REV3L: variants seen among roughly 807,000 people sequenced by gnomAD.
The protein encoded by REV3L is REV3 like, DNA directed polymerase zeta catalytic subunit, also known as DNA polymerase zeta catalytic subunit.
Under a neutral mutation model 299.4 loss-of-function variants are expected in REV3L, and 69 were observed. That is an observed-to-expected ratio of 0.23 (90% CI 0.19 to 0.28). REV3L has a LOEUF of 0.28. REV3L is among the 10% of genes least tolerant of loss of function. REV3L has a pLI of 1.00. For synonymous variants in REV3L, 1,238 were observed against 1,271.4 expected, an observed-to-expected ratio of 0.97 and a Z score of 0.56; for missense variants, 3,128 against 3,693.8, an observed-to-expected ratio of 0.85 and a Z score of 3.97.
At chr6:111,306,033 G>A (rs184259046) in intron 31 of REV3L, among the ~76,000 whole-genome samples, 1 of 152,330 alleles carries the variant, frequency 6.6e-6, no homozygotes, top group Non-Finnish European at 1.5e-5. Context: ...AATATTTACA[G>A]ACCAGCCCCA....
At chr6:111,406,489 G>A (rs563532717) in intron 3 of REV3L, among the ~76,000 whole-genome samples, 9 of 152,204 alleles carry the variant, frequency 5.9e-5, no homozygotes, top group Non-Finnish European at 1.3e-4. Context: ...CTACAGGTAA[G>A]GAGTAAATAG....
intron 1 of REV3L, among the ~76,000 whole-genome samples, chr6:111,421,317 CA>C (rs1785320789): frequency 6.6e-6 from 1 of 152,102 alleles, no homozygotes. Flanking sequence ...TCGATAAACA[CA>C]AAGACTAAAT....
intron 4 of REV3L, among the ~76,000 whole-genome samples, chr6:111,396,800 GA>G (rs2128262626): frequency 6.6e-6 from 1 of 152,182 alleles, no homozygotes; most frequent in South Asian, 2.1e-4. Flanking sequence ...AAAATGCTAG[GA>G]TTGCAGGTGT....
intron 25 of REV3L, among the ~76,000 whole-genome samples, chr6:111,324,319 T>C (rs1400815800): frequency 1.3e-5 from 2 of 152,206 alleles, no homozygotes; most frequent in African/African-American, 4.8e-5. Flanking sequence ...ATTAAGATTA[T>C]GAATTCTGCT....
chr6:111,409,357 C>T (rs1411916480), intron 3 of REV3L, among the ~76,000 whole-genome samples: 2 of 147,636 alleles, frequency 1.4e-5, no homozygotes, highest in East Asian at 2.0e-4. Context: ...AATGTGAAAC[C>T]GGCTTTTTTT....
chr6:111,424,007 A>C (rs1218662422), intron 1 of REV3L, among the ~76,000 whole-genome samples: 2 of 152,246 alleles, frequency 1.3e-5, no homozygotes, highest in Non-Finnish European at 1.5e-5. Flanking sequence ...CTAGAGAAGA[A>C]GACAGATTTG....
intron 26 of REV3L, among the ~76,000 whole-genome samples, chr6:111,318,975 C>T (rs1300728173): frequency 3.9e-5 from 6 of 151,942 alleles, no homozygotes; most frequent in African/African-American, 9.7e-5. Flanking sequence ...GGAGTGAGGG[C>T]GAGGGATTCA....
intron 1 of REV3L, among the ~76,000 whole-genome samples, chr6:111,464,184 G>A (rs570818919): frequency 2.6e-4 from 39 of 152,202 alleles, no homozygotes; most frequent in African/African-American, 9.4e-4. Context: ...AACTGTGCAA[G>A]GAGAAAAGTG....
At position 111,311,031 on chromosome 6, in the gene REV3L, T is replaced by G. The variant is rs202227192; in HGVS notation, c.8795+38A>C. 4.3e-3 allele frequency: 6,576 copies of G among 1,530,058 alleles called. 46 individuals carry two copies. Among genetic ancestry groups the G allele is most frequent in the South Asian group, 0.019 (1,465 of 77,910 alleles). The allele number at this position is 1,530,058 out of a possible 1,614,324, so 94.8% of individuals were successfully genotyped here. A position where few individuals can be genotyped will look rare whatever the true frequency, so the allele number is the denominator to read the frequency against. ...GGGTCTTCTAGACCTGTGCAGAATC[T>G]CAGGACTATCCTGGCAAGGTACTGA... On this transcript the variant is annotated intron_variant, in intron 29 of 31. Transcript: ENST00000368802.
chr6:111,393,837 C>T (rs183895677), intron 4 of REV3L, among the ~76,000 whole-genome samples: 4 of 152,088 alleles, frequency 2.6e-5, no homozygotes, highest in East Asian at 3.9e-4. Flanking sequence ...TGGCTAAAGA[C>T]GAACTTTTTT....
At chr6:111,301,660 T>C (rs186066184) in intron 31 of REV3L, among the ~76,000 whole-genome samples, 31 of 152,290 alleles carry the variant, frequency 2.0e-4, no homozygotes, top group Admixed American at 1.9e-3. Context: ...TAAGAATCTG[T>C]ACTTCTTAAG....
intron 9 of REV3L, among the ~76,000 whole-genome samples, chr6:111,384,824 A>T (rs997526483): frequency 6.6e-6 from 1 of 152,226 alleles, no homozygotes; most frequent in African/African-American, 2.4e-5. Context: ...TCCTATTCAC[A>T]ACAGCCAAGA....
chr6:111,437,916 G>C (rs1185052679), intron 1 of REV3L, among the ~76,000 whole-genome samples: 1 of 152,016 alleles, frequency 6.6e-6, no homozygotes, highest in Non-Finnish European at 1.5e-5. Flanking sequence ...CACAGTGGCA[G>C]GATCACAGTT....
rs1380221440 is a variant in REV3L at position 111,405,571 on chromosome 6, G to A, written c.464C>T (p.Ala155Val). ...IMNKFYQPHE[A>V]HIPYLLQLFI... ...GAGCTGTAGGAGGTAGGGAATATGC[G>A]CTTCATGAGGCTGGTAAAATTTATT... The change falls in exon 4 of 32, where the codon GCG (alanine) becomes GTG (valine). Residue 155 changes from alanine (A) to valine (V), a missense_variant. Physicochemically the swap from Ala to Val is moderately conservative, Grantham distance 64. Coordinates refer to ENST00000368802, the MANE Select transcript of REV3L (RefSeq NM_001372078.1). The A allele has an allele frequency of 2.5e-6, 4 of 1,604,606 alleles. No homozygotes were observed. The highest frequency in any genetic ancestry group is 3.4e-6 in the Non-Finnish European group (4 of 1,175,576).
At chr6:111,440,258 G>A (rs533341308) in intron 1 of REV3L, among the ~76,000 whole-genome samples, 270 of 152,116 alleles carry the variant, frequency 1.8e-3, no homozygotes, top group East Asian at 9.7e-4. Context: ...TAGTAGAGAC[G>A]GGGTTTCTCC....
At position 111,374,528 on chromosome 6, in the gene REV3L, T is replaced by C. The variant is rs372650366; in HGVS notation, c.3827A>G (p.His1276Arg). 6 of 1,613,946 alleles carry C rather than the reference T, an allele frequency of 3.7e-6. No individual in the cohort carries two copies. The African/African-American group carries it at 6.7e-5, about 18-fold the overall frequency. The change falls in exon 13 of 32, where the codon CAT becomes CGT. Residue 1276 changes from histidine to arginine, a missense_variant. Coordinates refer to ENST00000368802, the MANE Select transcript of REV3L (RefSeq NM_001372078.1). ...AGTGGGTAGGGAAGCAGAAAGGGGA[T>C]GATCTACAGCAGAGCCCATTAGTGG... Reference protein sequence around the residue: ...DMPLMGSAVDHPLSASLPTGI... With the variant: ...DMPLMGSAVDRPLSASLPTGI...
At chr6:111,370,040 C>T (rs531936989) in intron 13 of REV3L, among the ~76,000 whole-genome samples, 2 of 152,180 alleles carry the variant, frequency 1.3e-5, no homozygotes, top group East Asian at 1.9e-4. Flanking sequence ...ACCATGTTGG[C>T]CAGGATGGTC....
chr6:111,457,324 A>G (rs563519445), intron 1 of REV3L, among the ~76,000 whole-genome samples: 39 of 152,194 alleles, frequency 2.6e-4, no homozygotes, highest in African/African-American at 8.4e-4. Flanking sequence ...TAACAGAAAA[A>G]TAAGAAAATA....
intron 17 of REV3L, among the ~76,000 whole-genome samples, chr6:111,357,848 G>C (rs1778255705): frequency 6.6e-6 from 1 of 152,082 alleles, no homozygotes; most frequent in Non-Finnish European, 1.5e-5. Context: ...GGAAAAAAAA[G>C]AAAGCCTTAA....
Sources: allele counts gnomAD v4.1 joint callset (sites outside exome capture counted in the v4.1 genomes callset), GRCh38; gene constraint gnomAD v4.1.1; transcripts MANE v1.5; gene names NCBI Gene and HGNC (gene_info 2026-07-23, HGNC 2026-07-21).